The following EXOC2 variants were observed in gnomAD, a reference collection of about 807,000 sequenced individuals.
The protein encoded by EXOC2 is SEC5-like 1.
EXOC2 carries 70 observed loss-of-function variants against 131.8 expected under a neutral mutation model. That is an observed-to-expected ratio of 0.53 (90% CI 0.44 to 0.65). EXOC2 has a LOEUF of 0.65. Ranked by LOEUF, EXOC2 falls within the 30% of genes least tolerant of loss-of-function variation. The pLI is 0.00. For synonymous variants in EXOC2, 411 were observed against 398.4 expected (o/e 1.03, Z -0.38); for missense variants, 923 against 1,108.6 (o/e 0.83, Z 2.38).
rs2127459855 is a variant in EXOC2 at position 486,151 on chromosome 6, A to C, written c.*520T>G. 6.6e-6 allele frequency: 1 copy of C among 152,426 alleles called. No homozygotes were observed. Among genetic ancestry groups the C allele is most frequent in the African/African-American group, 2.4e-5 (1 of 41,560 alleles). 9.4% of individuals were successfully genotyped at this position (152,426 alleles called of 1,614,324 possible). On this transcript the variant is annotated 3_prime_UTR_variant, in exon 28 of 28. Transcript: ENST00000230449. ...AATGGAGACCATAAATTTTTCCAAA[A>C]ACCCGCTTGAATTAGAAAACTTAAG...
intron 1 of EXOC2, among the ~76,000 whole-genome samples, chr6:646,638 T>C (rs187288608): frequency 1.3e-5 from 2 of 152,316 alleles, no homozygotes; most frequent in Middle Eastern, 3.4e-3. Flanking sequence ...ACATTTGACA[T>C]CAGCAAAATG....
At chr6:537,274 G>A (rs1341390836) in intron 22 of EXOC2, among the ~76,000 whole-genome samples, 1 of 150,694 alleles carries the variant, frequency 6.6e-6, no homozygotes, top group Admixed American at 6.6e-5. Flanking sequence ...ACGGCCGACG[G>A]AGCGTACACT....
At chr6:594,428 G>A (rs1433563774) in intron 10 of EXOC2, among the ~76,000 whole-genome samples, 2 of 152,146 alleles carry the variant, frequency 1.3e-5, no homozygotes, top group African/African-American at 2.4e-5. Context: ...CCTCTGCAAC[G>A]CTTTCTCCTA....
At chr6:566,574 A>C (rs897881649) in intron 13 of EXOC2, among the ~76,000 whole-genome samples, 1 of 152,234 alleles carries the variant, frequency 6.6e-6, no homozygotes, top group Non-Finnish European at 1.5e-5. Context: ...GAAGACCAGA[A>C]TCAGAACGTG....
chr6:616,602 C>CAAAAAAAAAAAA (rs70985805), intron 6 of EXOC2, among the ~76,000 whole-genome samples: 1 of 69,522 alleles, frequency 1.4e-5, no homozygotes, highest in Non-Finnish European at 2.7e-5. Flanking sequence ...AACTCCGTCT[C>CAAAAAAAAAAAA]AAAAAAAAAA....
chr6:520,784 C>T (rs2493022), intron 23 of EXOC2, among the ~76,000 whole-genome samples: 11,402 of 96,894 alleles, frequency 0.12, 1,179 homozygotes, highest in African/African-American at 0.2. Flanking sequence ...ACCCACCGAG[C>T]ACCAACACTC....
intron 1 of EXOC2, among the ~76,000 whole-genome samples, chr6:650,658 G>A (rs1180682323): frequency 2.0e-5 from 3 of 152,022 alleles, no homozygotes; most frequent in African/African-American, 7.3e-5. Context: ...ACAAAACTAG[G>A]CTATAAAACT....
At chr6:671,657 C>T (rs868165256) in intron 1 of EXOC2, among the ~76,000 whole-genome samples, 5 of 152,122 alleles carry the variant, frequency 3.3e-5, no homozygotes, top group Middle Eastern at 3.2e-3. Flanking sequence ...CCCTCAATTT[C>T]GTCTGGAAAA....
intron 1 of EXOC2, among the ~76,000 whole-genome samples, chr6:649,120 C>T (rs1762717358): frequency 6.6e-6 from 1 of 152,132 alleles, no homozygotes; most frequent in South Asian, 2.1e-4. Flanking sequence ...CAATTTCTGG[C>T]TTCCAGTGAT....
At chr6:541,094 A>AG (rs1360767307) in intron 22 of EXOC2, among the ~76,000 whole-genome samples, 1 of 152,204 alleles carries the variant, frequency 6.6e-6, no homozygotes, top group Non-Finnish European at 1.5e-5. Flanking sequence ...GAGCTTACAA[A>AG]GCAAGCCTCA....
At chr6:558,488 C>A (rs774744187) in intron 17 of EXOC2, among the ~76,000 whole-genome samples, 1 of 152,138 alleles carries the variant, frequency 6.6e-6, no homozygotes, top group South Asian at 2.1e-4. Flanking sequence ...TATTGACAAT[C>A]GAATCTGAAA....
chr6:592,998 G>A (rs1759626153), intron 10 of EXOC2, among the ~76,000 whole-genome samples: 1 of 152,080 alleles, frequency 6.6e-6, no homozygotes, highest in Admixed American at 6.6e-5. Context: ...CCACTGTACT[G>A]CAGCCTGGGC....
intron 23 of EXOC2, among the ~76,000 whole-genome samples, chr6:505,235 T>C (rs1764468501): frequency 6.6e-6 from 1 of 152,260 alleles, no homozygotes; most frequent in Admixed American, 6.5e-5. Context: ...GCTGGTTTCA[T>C]ACATAGTCCT....
chr6:568,257 A>C (rs886814952), intron 13 of EXOC2, among the ~76,000 whole-genome samples: 1 of 152,216 alleles, frequency 6.6e-6, no homozygotes, highest in Non-Finnish European at 1.5e-5. Context: ...GGCCTCGCTC[A>C]ATCAGTTGAA....
intron 11 of EXOC2, among the ~76,000 whole-genome samples, chr6:587,612 A>G (rs10900966): frequency 2.8e-4 from 42 of 152,338 alleles, no homozygotes; most frequent in Non-Finnish European, 4.4e-4. Context: ...TCACATACAG[A>G]AAAACACCGA....
intron 22 of EXOC2, 65 bp downstream of exon 22, chr6:549,110 G>C: frequency 4.4e-6 from 6 of 1,359,436 alleles, no homozygotes; most frequent in Non-Finnish European, 5.3e-6. Context: ...ACACAGGCTA[G>C]GAAACAGCTT....
chr6:673,453 A>G (rs1319633301), intron 1 of EXOC2, among the ~76,000 whole-genome samples: 1 of 152,152 alleles, frequency 6.6e-6, no homozygotes, highest in African/African-American at 2.4e-5. Context: ...TTATTTATTC[A>G]GAAATATAAA....
chr6:551,256 C>A (rs938913200), intron 21 of EXOC2, among the ~76,000 whole-genome samples: 2 of 152,220 alleles, frequency 1.3e-5, no homozygotes, highest in African/African-American at 4.8e-5. Context: ...TGAGGTCACA[C>A]AGGATGCGAA....
chr6:496,044 T>C (rs1763715741), intron 25 of EXOC2, among the ~76,000 whole-genome samples: 1 of 152,196 alleles, frequency 6.6e-6, no homozygotes, highest in Admixed American at 6.5e-5. Flanking sequence ...AGAAATTCCA[T>C]TTAGTTCCTG....
Sources: gnomAD v4.1 joint callset for allele counts (sites outside exome capture counted in the v4.1 genomes callset) on GRCh38, gnomAD v4.1.1 for gene constraint, MANE v1.5 for transcripts, NCBI Gene and HGNC (gene_info 2026-07-23, HGNC 2026-07-21) for gene names.